MIAT: variants seen among roughly 807,000 people sequenced by gnomAD.
MIAT encodes the protein myocardial infarction associated transcript.
In MIAT at chr22:26,663,892, TCAGCCCCAGTCC is replaced by T. The variant is rs1245492771; in HGVS notation, n.729+510_729+521del. 4.6e-5 allele frequency among the ~76,000 whole-genome samples: 7 copies of T among 150,660 alleles called. No individual in the cohort carries two copies. The South Asian group carries it at 6.3e-4, about 14-fold the overall frequency. On this transcript the variant is annotated intron_variant and non_coding_transcript_variant, in intron 3 of 5. Transcript: ENST00000643270. ...GTATTCCCTCCCAGCCAATCCCCTCTCAGCCCCAGTCCCAGCCCCAGTCCCAGGAAACCACTG... is the reference window on the plus strand; with the variant it reads ...GTATTCCCTCCCAGCCAATCCCCTCTCAGCCCCAGTCCCAGGAAACCACTG...
chr22:26,646,947 C>T (rs1930244922), exon 1 of MIAT: 2 of 398,608 alleles, frequency 5.0e-6, no homozygotes, highest in Non-Finnish European at 4.4e-6. Flanking sequence ...CATCATCAAC[C>T]CAGACAAGCC....
At chr22:26,649,209 T>C (rs1326487329) in intron 2 of MIAT, among the ~76,000 whole-genome samples, 2 of 152,172 alleles carry the variant, frequency 1.3e-5, no homozygotes, top group Non-Finnish European at 2.9e-5. Flanking sequence ...AAGAGGAAAC[T>C]GAAGCCCAGA....
chr22:26,675,708 CA>C (rs1931237083), exon 5 of MIAT: 1 of 398,502 alleles, frequency 2.5e-6, no homozygotes. Context: ...TGGAGAAGAT[CA>C]GGGGAAACAC....
chr22:26,673,190 C>T, downstream of MIAT: 1 of 398,726 alleles, frequency 2.5e-6, no homozygotes, highest in Non-Finnish European at 4.4e-6. Context: ...GATGCTCAGG[C>T]CGGCCAGGAA....
intron 2 of MIAT, among the ~76,000 whole-genome samples, chr22:26,663,041 T>C (rs5761666): frequency 0.035 from 5,365 of 152,196 alleles, 325 homozygotes; most frequent in African/African-American, 0.12. Flanking sequence ...AAGACTGAGG[T>C]TCACTGTGGT....
intron 3 of MIAT, chr22:26,665,425 C>A (rs1602365728): frequency 2.5e-6 from 1 of 398,618 alleles, no homozygotes; most frequent in East Asian, 3.6e-5. Context: ...TCCCTTGAAA[C>A]CTCCATCACC....
At chr22:26,669,005 G>C (rs1034420962) in exon 6 of MIAT, 17 of 398,454 alleles carry the variant, frequency 4.3e-5, no homozygotes, top group Non-Finnish European at 7.1e-5. Context: ...CTTACCCAAA[G>C]GCTTAAGGGG....
exon 2 of MIAT, chr22:26,647,243 A>AT: frequency 2.5e-6 from 1 of 398,414 alleles, no homozygotes; most frequent in Non-Finnish European, 4.4e-6. Context: ...TCTGGCAAAC[A>AT]TATGTGGAAG....
At chr22:26,660,461 C>CAAAAAAAAAA (rs58234097) in intron 2 of MIAT, among the ~76,000 whole-genome samples, 1 of 107,186 alleles carries the variant, frequency 9.3e-6, no homozygotes, top group South Asian at 3.2e-4. Flanking sequence ...GAGACTATCT[C>CAAAAAAAAAA]AAAAAAAAAA....
chr22:26,669,696 C>T (rs748282340), downstream of MIAT: 26 of 399,048 alleles, frequency 6.5e-5, no homozygotes, highest in Non-Finnish European at 8.8e-5. Flanking sequence ...TCAGAATTCC[C>T]GCCCCCACCC....
intron 3 of MIAT, among the ~76,000 whole-genome samples, chr22:26,665,241 CAGAAAAAAAGAAAGAAAGAA>C (rs1306181585): frequency 1.2e-5 from 1 of 80,014 alleles, no homozygotes; most frequent in African/African-American, 3.9e-5. Flanking sequence ...ATCCTGTCTC[CAGAAAAAAAGAAAGAAAGAA>C]AGAAAGAAAG....
At chr22:26,652,202 C>T (rs762169198) in intron 2 of MIAT, among the ~76,000 whole-genome samples, 5 of 151,914 alleles carry the variant, frequency 3.3e-5, no homozygotes, top group Non-Finnish European at 7.4e-5. Context: ...AGCCGGGGGT[C>T]GATCTCATTA....
chr22:26,671,072 G>A (rs958960508), downstream of MIAT: 3 of 398,410 alleles, frequency 7.5e-6, no homozygotes, highest in African/African-American at 6.2e-5. Context: ...GATCTTTTGC[G>A]GAGAGATGCG....
chr22:26,666,797 G>A (rs1195508825), exon 4 of MIAT: 1 of 399,002 alleles, frequency 2.5e-6, no homozygotes, highest in Non-Finnish European at 4.4e-6. Flanking sequence ...CAAGGCCTGG[G>A]CCTGGGGAGG....
chr22:26,647,349 T>G (rs1407004286), intron 2 of MIAT: 1 of 185,384 alleles, frequency 5.4e-6, no homozygotes, highest in African/African-American at 4.3e-5. Context: ...GGGTTAGTTG[T>G]GGGGGCGGCG....
downstream of MIAT, chr22:26,673,580 G>C (rs1290201672): frequency 2.5e-6 from 1 of 398,622 alleles, no homozygotes; most frequent in Non-Finnish European, 4.4e-6. Context: ...ACTAACAACA[G>C]GTCTAACATT....
intron 5 of MIAT, chr22:26,667,656 T>G: frequency 9.6e-6 from 2 of 208,040 alleles, no homozygotes; most frequent in Non-Finnish European, 9.5e-6. Flanking sequence ...TCAGCTTTCA[T>G]TGCTTCCTCT....
At chr22:26,648,371 C>T (rs1326563064) in intron 2 of MIAT, among the ~76,000 whole-genome samples, 3 of 152,096 alleles carry the variant, frequency 2.0e-5, no homozygotes, top group African/African-American at 2.4e-5. Context: ...CGTAGGCAAG[C>T]GCACACGCTG....
At chr22:26,665,976 C>T (rs1930831209) in exon 4 of MIAT, 1 of 398,478 alleles carries the variant, frequency 2.5e-6, no homozygotes, top group African/African-American at 2.1e-5. Context: ...TCAGTTTCAG[C>T]ACTTTGTGAT....
Sources: allele counts gnomAD v4.1 joint callset (sites outside exome capture counted in the v4.1 genomes callset), GRCh38; gene constraint gnomAD v4.1.1; transcripts MANE v1.5; gene names NCBI Gene and HGNC (gene_info 2026-07-23, HGNC 2026-07-21).